PACS1: variants seen among roughly 807,000 people sequenced by gnomAD.
PACS1 encodes PACS-1.
PACS1 carries 24 observed loss-of-function variants against 115.0 expected under a neutral mutation model. That is an observed-to-expected ratio of 0.21 (90% CI 0.15 to 0.29). The LOEUF is 0.29. Among genes scored for constraint, PACS1 ranks in the 10% least tolerant of loss-of-function variants. The pLI, the probability that PACS1 is intolerant of heterozygous loss-of-function variation, is 1.00. For missense variants in PACS1, 838 were observed against 1,251.2 expected (o/e 0.67, Z 4.98); for synonymous variants, 453 against 504.5 (o/e 0.90, Z 1.37).
At chr11:66,110,291 T>TA (rs537967979) in intron 1 of PACS1, among the ~76,000 whole-genome samples, 14 of 150,732 alleles carry the variant, frequency 9.3e-5, no homozygotes, top group Admixed American at 2.6e-4. Flanking sequence ...TCTCCTGATT[T>TA]AAAAAAAAAA....
chr11:66,173,252 T>G (rs12290898), intron 1 of PACS1, among the ~76,000 whole-genome samples: 5,613 of 152,144 alleles, frequency 0.037, 335 homozygotes, highest in African/African-American at 0.13. Context: ...TGTCTTTAAT[T>G]AATGCCCATT....
chr11:66,073,182 A>G (rs928336918), intron 1 of PACS1, among the ~76,000 whole-genome samples: 6 of 152,190 alleles, frequency 3.9e-5, no homozygotes, highest in African/African-American at 1.4e-4. Flanking sequence ...CTCTTTGAGC[A>G]TTTTGCAGGC....
chr11:66,078,581 ACTCTGTTGCCC>A (rs1857431667), intron 1 of PACS1, among the ~76,000 whole-genome samples: 1 of 152,154 alleles, frequency 6.6e-6, no homozygotes. Flanking sequence ...ATAGGCTCTC[ACTCTGTTGCCC>A]AAACTGGAAT....
At chr11:66,240,063 G>A (rs1366596929) in intron 21 of PACS1, among the ~76,000 whole-genome samples, 1 of 152,160 alleles carries the variant, frequency 6.6e-6, no homozygotes, top group African/African-American at 2.4e-5. Context: ...GACAGTCAGA[G>A]GGCCTCTCTA....
rs373691298 is a variant in PACS1, at chr11:66,230,706, G to T, written c.1490+43G>T. The T allele has an allele frequency of 3.1e-4, 499 of 1,610,852 alleles. 1 individual carries two copies. The highest frequency in any genetic ancestry group is 3.7e-4 in the Non-Finnish European group (440 of 1,177,106). On this transcript the variant is annotated intron_variant, in intron 12 of 23. Transcript: ENST00000320580. The stretch of plus-strand genomic sequence containing the variant: ...GAAGCAGGGGGTACAGCCTGCAGCT[G>T]TGCTTAGCATGGGCTTCAGGGCTGA...
intron 1 of PACS1, among the ~76,000 whole-genome samples, chr11:66,165,071 G>A (rs1303999438): frequency 6.6e-6 from 1 of 152,152 alleles, no homozygotes; most frequent in Non-Finnish European, 1.5e-5. Flanking sequence ...ATCTGCAACT[G>A]ATTGTCTTCC....
chr11:66,239,414 T>C, intron 21 of PACS1, 137 bp downstream of exon 21: 2 of 1,038,442 alleles, frequency 1.9e-6, no homozygotes, highest in Non-Finnish European at 2.7e-6. Flanking sequence ...TCCTAGCTAC[T>C]CAGGCTGAGG....
rs1422568297 is a variant in PACS1 at position 66,215,950 on chromosome 11, T to TAATAAA, written c.661-167_661-166insTAAAAA. Among the ~76,000 whole-genome samples the TAATAAA allele has an allele frequency of 3.0e-3, 398 of 134,446 alleles. 6 individuals carry two copies. The highest frequency in any genetic ancestry group is 0.011 in the African/African-American group (373 of 34,718). The allele number at this position is 134,446 out of a possible 152,430, so 88.2% of individuals were successfully genotyped here. A position where few individuals can be genotyped will look rare whatever the true frequency, so the allele number is the denominator to read the frequency against. On this transcript the variant is annotated intron_variant, in intron 4 of 23. Coordinates refer to ENST00000320580, the MANE Select transcript of PACS1 (RefSeq NM_018026.4). ...ATAATAATAATAATAATAATAATAA[T>TAATAAA]AAACAAAGTAAGACCGTGAAGCAGT...
At chr11:66,144,675 C>T (rs541705069) in intron 1 of PACS1, among the ~76,000 whole-genome samples, 73 of 152,266 alleles carry the variant, frequency 4.8e-4, no homozygotes, top group Non-Finnish European at 7.6e-4. Context: ...GCTCTGTGGC[C>T]GAGGGTGGAG....
chr11:66,122,119 A>G (rs1448488587), intron 1 of PACS1, among the ~76,000 whole-genome samples: 1 of 152,222 alleles, frequency 6.6e-6, no homozygotes, highest in Non-Finnish European at 1.5e-5. Flanking sequence ...AGTTGAAGCC[A>G]ATGCTCATTG....
In PACS1 at chr11:66,235,228, C is replaced by T; in HGVS notation, c.2105-73C>T. ...GTCTGACGGGTCTCAGGAAGGGATC[C>T]CTCTCCGAGAGGGTCTGCAGGTTTG... On this transcript the variant is annotated intron_variant, in intron 17 of 23. Transcript: ENST00000320580. The surrounding 1 kb of genome is among the most constrained non-coding windows in gnomAD (Gnocchi z 5.6). 1 of 1,071,956 alleles carries T rather than the reference C, an allele frequency of 9.3e-7. No homozygotes were observed. The highest frequency in any genetic ancestry group is 1.4e-6 in the Non-Finnish European group (1 of 693,790). 66.4% of individuals were successfully genotyped at this position (1,071,956 alleles called of 1,614,324 possible).
At position 66,233,653 on chromosome 11, in the gene PACS1, C is replaced by G. The variant is rs140375661; in HGVS notation, c.1839-132C>G. 1.2e-6 allele frequency: 1 copy of G among 815,106 alleles called. No homozygotes were observed. The highest frequency in any genetic ancestry group is 2.8e-5 in the Admixed American group (1 of 35,962). 50.5% of individuals were successfully genotyped at this position (815,106 alleles called of 1,614,324 possible). On this transcript the variant is annotated intron_variant, in intron 15 of 23. Transcript: ENST00000320580. The surrounding 1 kb of genome is among the most constrained non-coding windows in gnomAD (Gnocchi z 4.5). ...TGGCTTATTCCCTGTATGATCCTCT[C>G]TGTTTTATTTTGTGGATTGGTTTGC...
chr11:66,218,047 A>T (rs529364589), intron 7 of PACS1: 1 of 160,026 alleles, frequency 6.2e-6, no homozygotes, highest in East Asian at 1.9e-4. Flanking sequence ...CCAGAGACTC[A>T]GTGACCTCCC....
intron 1 of PACS1, among the ~76,000 whole-genome samples, chr11:66,185,027 C>T (rs966069617): frequency 9.2e-5 from 14 of 152,216 alleles, no homozygotes; most frequent in Middle Eastern, 6.8e-3. Context: ...CAGGAACTCT[C>T]GGCCTAATTA....
chr11:66,208,982 A>G (rs1314986703), intron 2 of PACS1, among the ~76,000 whole-genome samples: 1 of 152,048 alleles, frequency 6.6e-6, no homozygotes, highest in Non-Finnish European at 1.5e-5. Flanking sequence ...TTTTTAGACA[A>G]ATTTATTCAA....
chr11:66,212,346 A>T (rs111909624), intron 4 of PACS1, among the ~76,000 whole-genome samples: 3 of 148,048 alleles, frequency 2.0e-5, no homozygotes, highest in African/African-American at 7.5e-5. Context: ...GTTGGCCAGG[A>T]TGGTCTCATT....
At chr11:66,201,093 C>A (rs1270190375) in intron 2 of PACS1, among the ~76,000 whole-genome samples, 1 of 152,002 alleles carries the variant, frequency 6.6e-6, no homozygotes, top group Non-Finnish European at 1.5e-5. Context: ...GTGGCAGGCG[C>A]CTGTAGTCTC....
chr11:66,071,541 T>C (rs1049115489), intron 1 of PACS1, among the ~76,000 whole-genome samples: 1 of 152,234 alleles, frequency 6.6e-6, no homozygotes, highest in Non-Finnish European at 1.5e-5. Flanking sequence ...CTGGGGACTT[T>C]CCTTCCATTG....
At chr11:66,199,232 G>A (rs1019524074) in intron 2 of PACS1, among the ~76,000 whole-genome samples, 3 of 151,074 alleles carry the variant, frequency 2.0e-5, no homozygotes, top group South Asian at 2.1e-4. Context: ...GGAGAATGGC[G>A]TGAACCCAGG....
Sources: gnomAD v4.1 joint callset for allele counts (sites outside exome capture counted in the v4.1 genomes callset) on GRCh38, gnomAD v4.1.1 for gene constraint, Gnocchi (gnomAD v3.1) non-coding constraint, MANE v1.5 for transcripts, NCBI Gene and HGNC (gene_info 2026-07-23, HGNC 2026-07-21) for gene names.